The following UNC5C variants were observed in gnomAD, a reference collection of about 807,000 sequenced individuals.
The protein encoded by UNC5C is unc-5 netrin receptor C.
In UNC5C, 47 loss-of-function variants were observed where a neutral mutation model predicts 99.8. That is an observed-to-expected ratio of 0.47 (90% confidence interval 0.37 to 0.60). The LOEUF (loss-of-function observed/expected upper bound fraction) is 0.60, where lower values mean the gene tolerates loss of function less well. Ranked by LOEUF, UNC5C falls within the 20% of genes least tolerant of loss-of-function variation. The pLI, the probability that UNC5C is intolerant of heterozygous loss-of-function variation, is 0.00. For missense variants in UNC5C, 1,062 were observed against 1,165.9 expected, an observed-to-expected ratio of 0.91 and a Z score of 1.30; for synonymous variants, 487 against 452.2, an observed-to-expected ratio of 1.08 and a Z score of -0.98.
chr4:95,338,585 C>T (rs1437669507), intron 1 of UNC5C, among the ~76,000 whole-genome samples: 3 of 151,866 alleles, frequency 2.0e-5, no homozygotes, highest in Non-Finnish European at 4.4e-5. Context: ...AGACTATTAC[C>T]AATTTTCAAA....
At chr4:95,465,734 T>C (rs750587712) in intron 1 of UNC5C, among the ~76,000 whole-genome samples, 6 of 152,174 alleles carry the variant, frequency 3.9e-5, no homozygotes, top group Non-Finnish European at 8.8e-5. Context: ...AATACACAGA[T>C]GGATCCAAAG....
chr4:95,365,295 C>CAAAAAAAAAAAAAAAAAA, intron 1 of UNC5C, among the ~76,000 whole-genome samples: 1 of 108,036 alleles, frequency 9.3e-6, no homozygotes, highest in Non-Finnish European at 2.0e-5. Context: ...GAATCTGTCT[C>CAAAAAAAAAAAAAAAAAA]AAAAAAAAAA....
intron 3 of UNC5C, among the ~76,000 whole-genome samples, chr4:95,298,408 C>T (rs572535076): frequency 6.6e-6 from 1 of 152,294 alleles, no homozygotes; most frequent in East Asian, 1.9e-4. Flanking sequence ...TTAGCCCAGG[C>T]CTTACCTTTC....
chr4:95,328,105 T>G (rs1742970879), intron 2 of UNC5C, among the ~76,000 whole-genome samples: 1 of 119,982 alleles, frequency 8.3e-6, no homozygotes. Context: ...AGGGTACATG[T>G]GCACATTGTG....
Position 95,167,491 on chromosome 4 carries a change from G to C in UNC5C, c.*1743C>G, listed in dbSNP as rs977602895. Reference sequence around the variant, plus strand: ...ATGACAGCAAAGAAAGATTAAGGGTGGGGGGGTGTAGCGTAGAAAAAAATG... The same window carrying C: ...ATGACAGCAAAGAAAGATTAAGGGTCGGGGGGTGTAGCGTAGAAAAAAATG... On this transcript the variant is annotated 3_prime_UTR_variant, in exon 16 of 16. Transcript: ENST00000453304. 2.8e-4 allele frequency: 42 copies of C among 152,034 alleles called. No individual in the cohort carries two copies. The highest frequency in any genetic ancestry group is 1.0e-3 in the African/African-American group (42 of 41,348). 9.4% of individuals were successfully genotyped at this position (152,034 alleles called of 1,614,324 possible). A position where few individuals can be genotyped will look rare whatever the true frequency, so the allele number is the denominator to read the frequency against.
chr4:95,192,230 G>GCTCACCCTCCTCCC (rs1737154914), intron 12 of UNC5C, among the ~76,000 whole-genome samples: 1 of 118,496 alleles, frequency 8.4e-6, no homozygotes, highest in Non-Finnish European at 1.7e-5. Flanking sequence ...GCCCTCCTCT[G>GCTCACCCTCCTCCC]CTCACCCTCC....
At chr4:95,534,829 C>G (rs908493508) in intron 1 of UNC5C, among the ~76,000 whole-genome samples, 1 of 152,038 alleles carries the variant, frequency 6.6e-6, no homozygotes, top group South Asian at 2.1e-4. Flanking sequence ...AAATGTAGAA[C>G]TTTGACCTTG....
At chr4:95,298,036 T>C (rs957158387) in intron 3 of UNC5C, among the ~76,000 whole-genome samples, 8 of 152,190 alleles carry the variant, frequency 5.3e-5, no homozygotes, top group Non-Finnish European at 1.5e-5. Context: ...GGGCCGAGTG[T>C]GGTGGCTAAC....
rs149874830 is a variant in UNC5C, at chr4:95,410,850, C to G, written c.125-75219G>C. Among the ~76,000 whole-genome samples, 290 of 152,292 alleles carry G rather than the reference C, an allele frequency of 1.9e-3. 1 individual carries two copies. The highest frequency in any genetic ancestry group is 3.0e-3 in the Non-Finnish European group (207 of 68,026). Reference sequence around the variant, plus strand: ...GAATCAAAGGGAGTTGGACACTCAGCCTAGCTCTGCCTCAGGGTTGACAAA... The same window carrying G: ...GAATCAAAGGGAGTTGGACACTCAGGCTAGCTCTGCCTCAGGGTTGACAAA... On this transcript the variant is annotated intron_variant, in intron 1 of 15. Transcript: ENST00000453304.
intron 2 of UNC5C, among the ~76,000 whole-genome samples, chr4:95,320,657 C>T (rs528281656): frequency 6.0e-4 from 92 of 152,220 alleles, no homozygotes; most frequent in African/African-American, 2.0e-3. Flanking sequence ...CTGAAATGTC[C>T]GTTTCAGTAG....
At chr4:95,536,806 T>C (rs1165057178) in intron 1 of UNC5C, among the ~76,000 whole-genome samples, 2 of 152,234 alleles carry the variant, frequency 1.3e-5, no homozygotes, top group Admixed American at 6.5e-5. Context: ...TTGAGTTATA[T>C]GCTAAAGACG....
intron 1 of UNC5C, among the ~76,000 whole-genome samples, chr4:95,514,745 T>C (rs1722170741): frequency 6.6e-6 from 1 of 151,786 alleles, no homozygotes; most frequent in Admixed American, 6.6e-5. Context: ...AGATCTTGGC[T>C]CACTGCAACC....
At chr4:95,212,023 CAG>C (rs1351504369) in intron 10 of UNC5C, among the ~76,000 whole-genome samples, 2 of 152,126 alleles carry the variant, frequency 1.3e-5, no homozygotes, top group Admixed American at 6.6e-5. Context: ...TTCCTTGAGA[CAG>C]AATAATGTCA....
At chr4:95,253,049 A>C (rs1739803631) in intron 4 of UNC5C, among the ~76,000 whole-genome samples, 1 of 152,186 alleles carries the variant, frequency 6.6e-6, no homozygotes, top group African/African-American at 2.4e-5. Flanking sequence ...CAAAACCTGA[A>C]GTCCAAAACA....
In UNC5C at chr4:95,201,576, C is replaced by T. The variant is rs1284144267; in HGVS notation, c.2136+1155G>A. On this transcript the variant is annotated intron_variant, in intron 12 of 15. Coordinates refer to ENST00000453304, the MANE Select transcript of UNC5C (RefSeq NM_003728.4). ...CAAAATTCCTATCTATTATTCTAGG[C>T]TTACCAGAAATAATATGCCTGCAGA... 7.5e-4 allele frequency among the ~76,000 whole-genome samples: 114 copies of T among 151,982 alleles called. 1 individual carries two copies. The highest frequency in any genetic ancestry group is 5.9e-5 in the Non-Finnish European group (4 of 67,998).
intron 5 of UNC5C, chr4:95,248,381 T>A (rs1739576987): frequency 2.9e-6 from 1 of 339,686 alleles, no homozygotes; most frequent in Non-Finnish European, 5.8e-6. Context: ...AGTAGCAAGT[T>A]ATGAAAAAGT....
chr4:95,221,587 G>A (rs943928730), intron 7 of UNC5C, among the ~76,000 whole-genome samples: 7 of 152,116 alleles, frequency 4.6e-5, no homozygotes, highest in African/African-American at 1.7e-4. Flanking sequence ...TAAATGTAAT[G>A]TATCCAAAAG....
In UNC5C at chr4:95,534,964, T is replaced by C. The variant is rs980385103; in HGVS notation, c.124+13770A>G. ...TCTGTTCCTTTATAAAGAGTTTAAA[T>C]GTTAGCAAAGGGTAAAAAGTTTGCT... is the stretch of plus-strand genomic sequence containing the variant. On this transcript the variant is annotated intron_variant, in intron 1 of 15. Transcript: ENST00000453304. 5.3e-5 allele frequency among the ~76,000 whole-genome samples: 8 copies of C among 152,284 alleles called. No homozygotes were observed. In the Middle Eastern group the frequency reaches 0.01, roughly 196 times the overall value.
intron 1 of UNC5C, among the ~76,000 whole-genome samples, chr4:95,518,032 C>A (rs1722259472): frequency 6.6e-6 from 1 of 152,132 alleles, no homozygotes; most frequent in East Asian, 1.9e-4. Context: ...CACATTATGG[C>A]AGATTTCTTT....
Sources: gnomAD v4.1 joint callset for allele counts (sites outside exome capture counted in the v4.1 genomes callset) on GRCh38, gnomAD v4.1.1 for gene constraint, MANE v1.5 for transcripts, NCBI Gene and HGNC (gene_info 2026-07-23, HGNC 2026-07-21) for gene names.